The following GRM5 variants were observed in gnomAD, a reference collection of about 807,000 sequenced individuals.
GRM5 encodes the protein metabotropic glutamate receptor 5.
GRM5 carries 19 observed loss-of-function variants against 83.1 expected under a neutral mutation model. That is an observed-to-expected ratio of 0.23 (90% CI 0.16 to 0.34). GRM5 has a LOEUF of 0.34. Among genes scored for constraint, GRM5 ranks in the 10% least tolerant of loss-of-function variants. The pLI is 1.00. For synonymous variants in GRM5, 675 were observed against 633.6 expected (o/e 1.07, Z -0.98); for missense variants, 1,160 against 1,588.3 (o/e 0.73, Z 4.58).
At chr11:88,530,587 A>T (rs1404452039) in intron 8 of GRM5, among the ~76,000 whole-genome samples, 1 of 151,980 alleles carries the variant, frequency 6.6e-6, no homozygotes, top group African/African-American at 2.4e-5. Context: ...AGTAAATGTA[A>T]TTTTCCATTA....
chr11:88,849,783 A>G, intron 3 of GRM5, 123 bp downstream of exon 3: 1 of 884,948 alleles, frequency 1.1e-6, no homozygotes, highest in South Asian at 1.6e-5. Flanking sequence ...ATGAAATTTA[A>G]GCTCTATTTC....
intron 2 of GRM5, among the ~76,000 whole-genome samples, chr11:88,904,994 TTGATA>T (rs1483754442): frequency 6.6e-6 from 1 of 152,200 alleles, no homozygotes; most frequent in Non-Finnish European, 1.5e-5. Flanking sequence ...TTATTTCTTA[TTGATA>T]TATGATTATG....
chr11:88,962,272 C>G (rs866416871), intron 2 of GRM5, among the ~76,000 whole-genome samples: 3 of 152,094 alleles, frequency 2.0e-5, no homozygotes, highest in Admixed American at 2.0e-4. Context: ...ATCCACCCAC[C>G]TTTCCTCCAA....
At chr11:89,045,380 C>T (rs1461036980) in intron 2 of GRM5, among the ~76,000 whole-genome samples, 1 of 152,108 alleles carries the variant, frequency 6.6e-6, no homozygotes, top group African/African-American at 2.4e-5. Context: ...TTTTGCTCTT[C>T]TCTGAGAACA....
At chr11:88,780,126 G>A (rs1041162131) in intron 3 of GRM5, among the ~76,000 whole-genome samples, 1 of 152,098 alleles carries the variant, frequency 6.6e-6, no homozygotes, top group African/African-American at 2.4e-5. Flanking sequence ...GGCTCTCATG[G>A]TATCCTGTTT....
At chr11:89,007,017 T>A (rs1196591651) in intron 2 of GRM5, among the ~76,000 whole-genome samples, 5 of 152,194 alleles carry the variant, frequency 3.3e-5, no homozygotes, top group African/African-American at 1.2e-4. Context: ...CAGGATGGTC[T>A]CCATCTCCTG....
chr11:89,055,557 A>G (rs1941854413), intron 1 of GRM5, among the ~76,000 whole-genome samples: 1 of 152,128 alleles, frequency 6.6e-6, no homozygotes, highest in Non-Finnish European at 1.5e-5. Flanking sequence ...CATGGAAAGC[A>G]AATGATTCAT....
chr11:88,681,788 C>G (rs1325779119), intron 3 of GRM5, among the ~76,000 whole-genome samples: 1 of 151,612 alleles, frequency 6.6e-6, no homozygotes, highest in Non-Finnish European at 1.5e-5. Context: ...CCATGCTGGT[C>G]TTGATCTCCT....
At chr11:88,726,508 G>A (rs1941684784) in intron 3 of GRM5, among the ~76,000 whole-genome samples, 1 of 152,122 alleles carries the variant, frequency 6.6e-6, no homozygotes, top group African/African-American at 2.4e-5. Context: ...AGGAAGACAG[G>A]CCAACATTCA....
At chr11:88,810,106 C>A (rs908886856) in intron 3 of GRM5, among the ~76,000 whole-genome samples, 1 of 152,028 alleles carries the variant, frequency 6.6e-6, no homozygotes, top group Middle Eastern at 3.4e-3. Context: ...AATATGATGA[C>A]TTTCATTATT....
At chr11:88,899,407 G>GAA (rs5793355) in intron 2 of GRM5, among the ~76,000 whole-genome samples, 1 of 151,268 alleles carries the variant, frequency 6.6e-6, no homozygotes, top group Non-Finnish European at 1.5e-5. Flanking sequence ...GTATTTGGAA[G>GAA]AAAAAAATAG....
intron 4 of GRM5, among the ~76,000 whole-genome samples, chr11:88,624,905 T>C (rs1457436792): frequency 6.6e-6 from 1 of 152,156 alleles, no homozygotes; most frequent in Non-Finnish European, 1.5e-5. Flanking sequence ...AGGTAAGATT[T>C]TGATACAACT....
At chr11:88,654,061 A>G (rs1939706080) in intron 3 of GRM5, among the ~76,000 whole-genome samples, 1 of 152,220 alleles carries the variant, frequency 6.6e-6, no homozygotes, top group East Asian at 1.9e-4. Context: ...CTGAAATCAC[A>G]TTTTATATTA....
At chr11:88,737,262 A>G (rs1487675904) in intron 3 of GRM5, among the ~76,000 whole-genome samples, 1 of 152,078 alleles carries the variant, frequency 6.6e-6, no homozygotes, top group Non-Finnish European at 1.5e-5. Flanking sequence ...GCACACATCT[A>G]GGTCTCAACC....
chr11:88,741,716 A>G (rs1350764735), intron 3 of GRM5, among the ~76,000 whole-genome samples: 1 of 151,726 alleles, frequency 6.6e-6, no homozygotes, highest in East Asian at 1.9e-4. Flanking sequence ...ATACTAATCT[A>G]TACTATCAAG....
At chr11:88,901,229 G>T (rs1293074186) in intron 2 of GRM5, among the ~76,000 whole-genome samples, 1 of 151,852 alleles carries the variant, frequency 6.6e-6, no homozygotes. Context: ...AATGGTTTGG[G>T]GTGGATAATA....
rs544712841 is a variant in GRM5 at position 89,043,567 on chromosome 11, C to T, written c.661+3645G>A. Among the ~76,000 whole-genome samples the T allele has an allele frequency of 7.7e-5, 11 of 143,334 alleles. No individual in the cohort carries two copies. The South Asian group carries it at 2.4e-3, about 31-fold the overall frequency. 94.0% of individuals were successfully genotyped at this position (143,334 alleles called of 152,430 possible). A position where few individuals can be genotyped will look rare whatever the true frequency, so the allele number is the denominator to read the frequency against. Reference sequence around the variant, plus strand: ...TATTCGAATTTCAAGAATATTAATGCATGTTATTTTTTTTTTTTTGCTTTT... The same window carrying T: ...TATTCGAATTTCAAGAATATTAATGTATGTTATTTTTTTTTTTTTGCTTTT... On this transcript the variant is annotated intron_variant, in intron 2 of 9. Coordinates refer to ENST00000305447, the MANE Select transcript of GRM5 (RefSeq NM_001143831.3).
At chr11:88,927,801 G>C (rs1945815737) in intron 2 of GRM5, among the ~76,000 whole-genome samples, 1 of 152,104 alleles carries the variant, frequency 6.6e-6, no homozygotes, top group East Asian at 1.9e-4. Context: ...ATAACAGTGA[G>C]ATTCAGATTT....
At chr11:88,823,326 CT>C (rs1943834301) in intron 3 of GRM5, among the ~76,000 whole-genome samples, 1 of 151,468 alleles carries the variant, frequency 6.6e-6, no homozygotes, top group African/African-American at 2.4e-5. Flanking sequence ...TTTCCTGCCA[CT>C]TTTAAGGATG....
Sources: gnomAD v4.1 joint callset for allele counts (sites outside exome capture counted in the v4.1 genomes callset) on GRCh38, gnomAD v4.1.1 for gene constraint, MANE v1.5 for transcripts, NCBI Gene and HGNC (gene_info 2026-07-23, HGNC 2026-07-21) for gene names.